SLC6A3: variants seen among roughly 807,000 people sequenced by gnomAD.
The protein encoded by SLC6A3 is sodium-dependent dopamine transporter.
SLC6A3 carries 19 observed loss-of-function variants against 70.4 expected under a neutral mutation model. The ratio of observed to expected loss-of-function variants is 0.27; its 90% confidence interval spans 0.19 to 0.40. SLC6A3 has a LOEUF of 0.40. Among genes scored for constraint, SLC6A3 ranks in the 10% least tolerant of loss-of-function variants. The pLI, the probability that SLC6A3 is intolerant of heterozygous loss-of-function variation, is 1.00. For missense variants in SLC6A3, 613 were observed against 838.5 expected (o/e 0.73, Z 3.32); for synonymous variants, 368 against 356.6 (o/e 1.03, Z -0.36).
In SLC6A3 at chr5:1,406,343, C is replaced by G; in HGVS notation, c.1499-55G>C. 6.9e-7 allele frequency: 1 copy of G among 1,442,856 alleles called. No individual in the cohort carries two copies. Among genetic ancestry groups the G allele is most frequent in the South Asian group, 1.1e-5 (1 of 87,750 alleles). The allele number at this position is 1,442,856 out of a possible 1,614,324, so 89.4% of individuals were successfully genotyped here. A position where few individuals can be genotyped will look rare whatever the true frequency, so the allele number is the denominator to read the frequency against. ...ATCAGGGCAGCGCATTCCCCCGATGCTGGACACGTGTGGGGGTCCTCGCTG... is the reference window on the plus strand; with the variant it reads ...ATCAGGGCAGCGCATTCCCCCGATGGTGGACACGTGTGGGGGTCCTCGCTG... On this transcript the variant is annotated intron_variant, in intron 11 of 14. Coordinates refer to ENST00000270349, the MANE Select transcript of SLC6A3 (RefSeq NM_001044.5). This position sits in a 1 kb window ranked among gnomAD's most constrained non-coding sequence, Gnocchi z 8.8.
intron 3 of SLC6A3, 119 bp from the exon 4 acceptor site, chr5:1,432,817 C>A (rs1756737293): frequency 5.4e-6 from 4 of 742,940 alleles, no homozygotes; most frequent in African/African-American, 3.5e-5. Context: ...AACTCCTGGA[C>A]AGCCCTGATG....
Position 1,443,125 on chromosome 5 carries a change from C to T in SLC6A3, c.73G>A (p.Gly25Ser). 6.2e-7 allele frequency: 1 copy of T among 1,614,242 alleles called. No individual in the cohort carries two copies. Reference sequence around the variant, plus strand: ...AGGATGAGCTCCACCTCCTTCGGGCCCACGGCATTGGGCTCCTTAGCCGGG... The same window carrying T: ...AGGATGAGCTCCACCTCCTTCGGGCTCACGGCATTGGGCTCCTTAGCCGGG... Reference protein sequence around the residue: ...VAPAKEPNAVGPKEVELILVK... With the variant: ...VAPAKEPNAVSPKEVELILVK... The change falls in exon 2 of 15, where the codon GGC (glycine) becomes AGC (serine). Residue 25 changes from glycine to serine, a missense_variant. Around this residue, in one of 4 missense-constraint regions of SLC6A3, gnomAD observed 111 missense variants for 91.6 expected, o/e 1.21. Coordinates refer to ENST00000270349, the MANE Select transcript of SLC6A3 (RefSeq NM_001044.5).
At chr5:1,419,759 T>C (rs1393874509) in intron 6 of SLC6A3, among the ~76,000 whole-genome samples, 1 of 152,058 alleles carries the variant, frequency 6.6e-6, no homozygotes, top group Non-Finnish European at 1.5e-5. Flanking sequence ...TCCACAGGGC[T>C]TCCCCTTCAG....
At position 1,400,915 on chromosome 5, in the gene SLC6A3, C is replaced by T. The variant is rs35337610; in HGVS notation, c.1839G>A (p.Thr613=). 1.3e-6 allele frequency: 2 copies of T among 1,581,316 alleles called. No individual in the cohort carries two copies. The highest frequency in any genetic ancestry group is 1.8e-5 in the Admixed American group (1 of 56,780). The part of the protein sequence containing the change: ...LVDRGEVRQF[T]LRHWLKV Reference sequence around the variant, plus strand: ...GGCCCAGCAGGGACCTCGACCTCACCGTGAACTGGCGCACCTCCCCTCTGT... The same window carrying T: ...GGCCCAGCAGGGACCTCGACCTCACTGTGAACTGGCGCACCTCCCCTCTGT... Residue 613 remains threonine, a splice_region_variant and synonymous_variant, in exon 14 of 15, where the codon ACG becomes ACA. Coordinates refer to ENST00000270349, the MANE Select transcript of SLC6A3 (RefSeq NM_001044.5).
chr5:1,401,144 C>T lies in SLC6A3; in HGVS notation c.1768-158G>A, dbSNP rs757879493. The T allele has an allele frequency of 4.2e-5, 30 of 708,400 alleles. No homozygotes were observed. The highest frequency in any genetic ancestry group is 7.2e-5 in the Non-Finnish European group (28 of 389,560). The allele number at this position is 708,400 out of a possible 1,614,324, so 43.9% of individuals were successfully genotyped here. A position where few individuals can be genotyped will look rare whatever the true frequency, so the allele number is the denominator to read the frequency against. The stretch of plus-strand genomic sequence containing the variant: ...CCCGCTGGCATCCATATCACCAGCG[C>T]CCACCACTGACTTACACTGCCAGTG... On this transcript the variant is annotated intron_variant, in intron 13 of 14. Coordinates refer to ENST00000270349, the MANE Select transcript of SLC6A3 (RefSeq NM_001044.5). The surrounding 1 kb of genome is among the most constrained non-coding windows in gnomAD (Gnocchi z 6.1).
Position 1,394,576 on chromosome 5 carries a change from C to T in SLC6A3, c.*159G>A. The T allele has an allele frequency of 1.3e-6, 1 of 782,910 alleles. No individual in the cohort carries two copies. The highest frequency in any genetic ancestry group is 2.5e-5 in the East Asian group (1 of 40,798). 48.5% of individuals were successfully genotyped at this position (782,910 alleles called of 1,614,324 possible). ...CGCTCCCGGCACGGAAAGGTGTAAA[C>T]AGTCAGAAGAGAGGAGTCTTCTGCT... On this transcript the variant is annotated 3_prime_UTR_variant, in exon 15 of 15. Transcript: ENST00000270349. This position sits in a 1 kb window ranked among gnomAD's most constrained non-coding sequence, Gnocchi z 4.7.
chr5:1,403,756 C>T (rs534921951), intron 12 of SLC6A3, among the ~76,000 whole-genome samples: 1 of 152,264 alleles, frequency 6.6e-6, no homozygotes, highest in Non-Finnish European at 1.5e-5. Context: ...AGTCACAGAC[C>T]TGTCTCAGAA....
At chr5:1,407,058 C>T (rs1410153669) in intron 11 of SLC6A3, among the ~76,000 whole-genome samples, 1 of 152,198 alleles carries the variant, frequency 6.6e-6, no homozygotes, top group Non-Finnish European at 1.5e-5. Flanking sequence ...ACATAATAAA[C>T]ATTTTTTCTC....
rs1756109390 is a variant in SLC6A3, at chr5:1,411,062, A to G, written c.1269+181T>C. ...AAGGGAAAGGTAAACTCCAGTCACC[A>G]CTCACTCCAGCCCCGAGAAAGGTCT... On this transcript the variant is annotated intron_variant, in intron 9 of 14. Transcript: ENST00000270349. This position sits in a 1 kb window ranked among gnomAD's most constrained non-coding sequence, Gnocchi z 6.5. Among the ~76,000 whole-genome samples, 1 of 151,928 alleles carries G rather than the reference A, an allele frequency of 6.6e-6. No homozygotes were observed. Among genetic ancestry groups the G allele is most frequent in the African/African-American group, 2.4e-5 (1 of 41,346 alleles).
At chr5:1,441,267 TG>T in intron 3 of SLC6A3, 91 bp downstream of exon 3, 2 of 1,502,030 alleles carry the variant, frequency 1.3e-6, no homozygotes, top group Non-Finnish European at 1.9e-6. Context: ...CAGGGCTGGA[TG>T]CCCATGATGC....
At position 1,401,217 on chromosome 5, in the gene SLC6A3, G is replaced by A. The variant is rs1165470521; in HGVS notation, c.1768-231C>T. 3 of 695,512 alleles carry A rather than the reference G, an allele frequency of 4.3e-6. No homozygotes were observed. Among genetic ancestry groups the A allele is most frequent in the Middle Eastern group, 2.3e-4 (1 of 4,352 alleles). The allele number at this position is 695,512 out of a possible 1,614,324, so 43.1% of individuals were successfully genotyped here. A position where few individuals can be genotyped will look rare whatever the true frequency, so the allele number is the denominator to read the frequency against. ...TCAGGCCCGAAGCCAACATCCTGAC[G>A]GTCCCCTTAAAGTCTAGCGCAGAGC... On this transcript the variant is annotated intron_variant, in intron 13 of 14. Transcript: ENST00000270349. The surrounding 1 kb of genome is among the most constrained non-coding windows in gnomAD (Gnocchi z 6.1).
intron 3 of SLC6A3, 125 bp from the exon 4 acceptor site, chr5:1,432,823 T>C: frequency 2.8e-6 from 2 of 723,698 alleles, no homozygotes; most frequent in Non-Finnish European, 4.9e-6. Context: ...TGGACAGCCC[T>C]GATGCCAGAC....
chr5:1,409,440 C>T (rs1039275132), intron 10 of SLC6A3, among the ~76,000 whole-genome samples: 15 of 152,292 alleles, frequency 9.8e-5, no homozygotes, highest in Middle Eastern at 3.4e-3. Flanking sequence ...GCTCTGCCAC[C>T]ACACCCCCAG....
chr5:1,414,644 C>T (rs555650540), intron 8 of SLC6A3, 47 bp downstream of exon 8: 77 of 1,606,024 alleles, frequency 4.8e-5, no homozygotes, highest in Non-Finnish European at 5.9e-5. Flanking sequence ...GAGAGCTCGG[C>T]GCTGGTGCTA....
At position 1,437,434 on chromosome 5, in the gene SLC6A3, G is replaced by T. The variant is rs2126403508; in HGVS notation, c.418+3925C>A. Among the ~76,000 whole-genome samples, 1 of 152,170 alleles carries T rather than the reference G, an allele frequency of 6.6e-6. No homozygotes were observed. The highest frequency in any genetic ancestry group is 1.9e-4 in the East Asian group (1 of 5,178). ...GACAGAACAGGAGAGACACAGAGAG[G>T]AAAGGAGGGAGAGAGACAGAAAGAG... On this transcript the variant is annotated intron_variant, in intron 3 of 14. Transcript: ENST00000270349. This position sits in a 1 kb window ranked among gnomAD's most constrained non-coding sequence, Gnocchi z 4.8.
At chr5:1,432,815 G>C (rs1484092989) in intron 3 of SLC6A3, 117 bp from the exon 4 acceptor site, 8 of 749,874 alleles carry the variant, frequency 1.1e-5, no homozygotes, top group Non-Finnish European at 1.9e-5. Flanking sequence ...ACAACTCCTG[G>C]ACAGCCCTGA....
intron 4 of SLC6A3, among the ~76,000 whole-genome samples, chr5:1,428,017 A>G (rs868691598): frequency 1.2e-4 from 19 of 152,160 alleles, no homozygotes; most frequent in African/African-American, 3.9e-4. Context: ...CATTTATGCA[A>G]CTTTCCAACC....
intron 14 of SLC6A3, among the ~76,000 whole-genome samples, chr5:1,399,075 A>T (rs944630883): frequency 6.6e-6 from 1 of 152,240 alleles, no homozygotes; most frequent in Non-Finnish European, 1.5e-5. Flanking sequence ...ATCAAAGTTG[A>T]TCAGGTATAA....
rs1755967779 is a variant in SLC6A3, at chr5:1,405,928, A to G, written c.1599+260T>C. Among the ~76,000 whole-genome samples the G allele has an allele frequency of 6.6e-6, 1 of 152,210 alleles. No individual in the cohort carries two copies. Among genetic ancestry groups the G allele is most frequent in the Admixed American group, 6.5e-5 (1 of 15,286 alleles). ...CCTCCCAACACAGAGGCGCGGCCCA[A>G]GTGCAGGACTCACAACGGACTGTGA... is the stretch of plus-strand genomic sequence containing the variant. On this transcript the variant is annotated intron_variant, in intron 12 of 14. Coordinates refer to ENST00000270349, the MANE Select transcript of SLC6A3 (RefSeq NM_001044.5). The surrounding 1 kb of genome is among the most constrained non-coding windows in gnomAD (Gnocchi z 5.3).
Sources: gnomAD v4.1 joint callset for allele counts (sites outside exome capture counted in the v4.1 genomes callset) on GRCh38, gnomAD v4.1.1 for gene constraint, gnomAD v4.1.1 regional missense constraint, Gnocchi (gnomAD v3.1) non-coding constraint, MANE v1.5 for transcripts, NCBI Gene and HGNC (gene_info 2026-07-23, HGNC 2026-07-21) for gene names.